The following RIN2 variants were observed in gnomAD, a reference collection of about 807,000 sequenced individuals.
RIN2 encodes RAB5 interacting protein 2.
Under a neutral mutation model 78.0 loss-of-function variants are expected in RIN2, and 36 were observed. The ratio of observed to expected loss-of-function variants is 0.46; its 90% CI spans 0.35 to 0.61. RIN2 has a LOEUF of 0.61. Ranked by LOEUF, RIN2 falls within the 20% of genes least tolerant of loss-of-function variation. The probability of loss-of-function intolerance (pLI) is 0.00; values close to 1 mark genes in which losing one functional copy is unlikely to be tolerated. For missense variants in RIN2, 1,087 were observed against 1,159.7 expected (o/e 0.94, Z 0.91); for synonymous variants, 466 against 466.8 (o/e 1.00, Z 0.02).
intron 4 of RIN2, among the ~76,000 whole-genome samples, chr20:19,946,661 GA>G (rs1195805210): frequency 7.1e-6 from 1 of 141,558 alleles, no homozygotes. Context: ...AGTAAGCCGA[GA>G]TTGTGTCACC....
At chr20:19,998,612 AAAAC>A (rs1371387072) in intron 12 of RIN2, among the ~76,000 whole-genome samples, 4 of 152,152 alleles carry the variant, frequency 2.6e-5, no homozygotes, top group Middle Eastern at 3.2e-3. Flanking sequence ...CCCTGTATCA[AAAAC>A]AAACAAACAA....
chr20:19,916,082 A>C (rs1383480049), intron 3 of RIN2, among the ~76,000 whole-genome samples: 1 of 152,202 alleles, frequency 6.6e-6, no homozygotes, highest in Non-Finnish European at 1.5e-5. Context: ...TCTACTAAAA[A>C]TACAAAAATT....
At chr20:19,853,627 T>C (rs1206738877) in intron 2 of RIN2, among the ~76,000 whole-genome samples, 3 of 152,254 alleles carry the variant, frequency 2.0e-5, no homozygotes, top group Admixed American at 1.3e-4. Context: ...ATTTCTCTGA[T>C]GGCCAGTGAC....
intron 3 of RIN2, among the ~76,000 whole-genome samples, chr20:19,917,302 A>G (rs1159935000): frequency 6.6e-6 from 1 of 152,146 alleles, no homozygotes; most frequent in Non-Finnish European, 1.5e-5. Flanking sequence ...AGCCTTCCAT[A>G]TGGCAAATGT....
At chr20:19,832,245 G>A (rs911684760) in intron 2 of RIN2, among the ~76,000 whole-genome samples, 10 of 149,638 alleles carry the variant, frequency 6.7e-5, no homozygotes, top group Admixed American at 2.0e-4. Flanking sequence ...GATAGTCATC[G>A]CTGGCTCTGT....
At chr20:19,934,707 T>C in intron 3 of RIN2, 2 of 694,834 alleles carry the variant, frequency 2.9e-6, no homozygotes, top group Non-Finnish European at 3.5e-6. Flanking sequence ...GGGGGTTCCT[T>C]TGGAGGGTTT....
intron 3 of RIN2, among the ~76,000 whole-genome samples, chr20:19,892,275 G>A (rs1345961416): frequency 6.6e-6 from 1 of 152,128 alleles, no homozygotes; most frequent in Non-Finnish European, 1.5e-5. Flanking sequence ...GGTGTGCAGT[G>A]GTGCGATCTC....
At chr20:19,860,384 C>T (rs1024532396) in intron 2 of RIN2, among the ~76,000 whole-genome samples, 10 of 151,848 alleles carry the variant, frequency 6.6e-5, no homozygotes, top group East Asian at 1.9e-4. Flanking sequence ...TGCAGTGGCT[C>T]GATGATCTCG....
chr20:19,897,994 A>C (rs116650094), intron 3 of RIN2, among the ~76,000 whole-genome samples: 1,719 of 152,322 alleles, frequency 0.011, 40 homozygotes, highest in African/African-American at 0.039. Context: ...GATTATTGGC[A>C]TGAGCTTTGG....
chr20:19,824,550 T>C (rs1473528632), intron 2 of RIN2, among the ~76,000 whole-genome samples: 1 of 152,038 alleles, frequency 6.6e-6, no homozygotes, highest in Non-Finnish European at 1.5e-5. Flanking sequence ...GTGGGCAGTT[T>C]GCATTAGTAA....
At chr20:19,868,016 G>T (rs138666307) in intron 2 of RIN2, among the ~76,000 whole-genome samples, 4 of 152,222 alleles carry the variant, frequency 2.6e-5, no homozygotes, top group East Asian at 3.8e-4. Flanking sequence ...CATGTCTGGC[G>T]TGGGGCATGC....
chr20:19,815,612 C>T (rs919439968), intron 2 of RIN2, among the ~76,000 whole-genome samples: 6 of 152,156 alleles, frequency 3.9e-5, no homozygotes, highest in Non-Finnish European at 7.3e-5. Context: ...TTTGCTGATG[C>T]GTGCATGTGT....
chr20:19,932,705 T>C (rs1046997264), intron 3 of RIN2, among the ~76,000 whole-genome samples: 1 of 152,120 alleles, frequency 6.6e-6, no homozygotes, highest in East Asian at 1.9e-4. Flanking sequence ...CCTTAGATAA[T>C]CTCTCCCTGC....
intron 3 of RIN2, among the ~76,000 whole-genome samples, chr20:19,920,091 A>G (rs914875800): frequency 1.2e-4 from 19 of 152,020 alleles, no homozygotes; most frequent in African/African-American, 2.9e-4. Context: ...TCAGAAGATC[A>G]AGACCATCCT....
At chr20:19,764,916 G>GTGTTTTTTTT (rs1568731017) in intron 1 of RIN2, among the ~76,000 whole-genome samples, 7 of 35,340 alleles carry the variant, frequency 2.0e-4, no homozygotes, top group Non-Finnish European at 3.4e-4. Context: ...TTCACTTTCT[G>GTGTTTTTTTT]CGTTTTTTTT....
At chr20:19,882,727 G>T (rs1262897875) in intron 2 of RIN2, among the ~76,000 whole-genome samples, 3 of 152,128 alleles carry the variant, frequency 2.0e-5, no homozygotes, top group African/African-American at 7.2e-5. Context: ...AGGAGGTTTG[G>T]AAATATTGTT....
At chr20:19,760,485 A>G (rs1268432091) in intron 1 of RIN2, among the ~76,000 whole-genome samples, 1 of 152,144 alleles carries the variant, frequency 6.6e-6, no homozygotes, top group Non-Finnish European at 1.5e-5. Flanking sequence ...ATAACTTCGC[A>G]GCAGCACTCT....
At chr20:19,996,566 A>G in intron 11 of RIN2, 113 bp from the exon 12 acceptor site, 1 of 1,041,208 alleles carries the variant, frequency 9.6e-7, no homozygotes, top group Admixed American at 2.0e-5. Context: ...AAGGAAATGC[A>G]TGTTGAAGAA....
intron 2 of RIN2, among the ~76,000 whole-genome samples, chr20:19,848,915 CTT>C (rs1055848097): frequency 2.6e-5 from 4 of 152,130 alleles, no homozygotes; most frequent in African/African-American, 9.7e-5. Flanking sequence ...AAGGATGACT[CTT>C]TATTTAAACT....
Sources: allele counts gnomAD v4.1 joint callset (sites outside exome capture counted in the v4.1 genomes callset), GRCh38; gene constraint gnomAD v4.1.1; transcripts MANE v1.5; gene names NCBI Gene and HGNC (gene_info 2026-07-23, HGNC 2026-07-21).